Variants in GMPR observed in about 807,000 individuals in gnomAD.
GMPR encodes guanosine monophosphate reductase.
A neutral mutation model predicts 38.4 loss-of-function variants in GMPR; 31 were observed. The observed-to-expected ratio is 0.81, with a 90% confidence interval of 0.61 to 1.09. The LOEUF is 1.09. GMPR is among the 50% of genes least tolerant of loss of function. The pLI is 0.00. For synonymous variants in GMPR, 162 were observed against 173.3 expected (o/e 0.93, Z 0.51); for missense variants, 468 against 453.7 (o/e 1.03, Z -0.29).
At position 16,273,335 on chromosome 6, in the gene GMPR, T is replaced by C. The variant is rs183763383; in HGVS notation, c.466-1080T>C. 9.2e-4 allele frequency among the ~76,000 whole-genome samples: 140 copies of C among 152,366 alleles called. 3 individuals are homozygous for C. Among genetic ancestry groups the C allele is most frequent in the Admixed American group, 7.9e-3 (121 of 15,302 alleles). ...TTTTGCAAAATATGACTTTGCACAG[T>C]TGTGAAAACTCAGCCAGGGCATCTT... On this transcript the variant is annotated intron_variant, in intron 4 of 8. Transcript: ENST00000259727.
chr6:16,256,351 TAAAAAA>T (rs200060049), intron 4 of GMPR, among the ~76,000 whole-genome samples: 44,664 of 120,690 alleles, frequency 0.37, 7,486 homozygotes, highest in East Asian at 0.62. Flanking sequence ...CTGCATCTAC[TAAAAAA>T]AAAAAAAAAA....
intron 4 of GMPR, among the ~76,000 whole-genome samples, chr6:16,255,531 TAGG>T (rs1311941753): frequency 6.6e-6 from 1 of 152,196 alleles, no homozygotes; most frequent in African/African-American, 2.4e-5. Context: ...GTGTTTTATC[TAGG>T]AGCTTTGTTT....
rs546450494 is a variant in GMPR, at chr6:16,289,848, A to ATTTTTTTTTTTTTTTTTTTTT, written c.698-597_698-577dup. 2.4e-4 allele frequency: 15 copies of ATTTTTTTTTTTTTTTTTTTTT among 63,188 alleles called. 3 individuals carry two copies. The highest frequency in any genetic ancestry group is 3.5e-4 in the African/African-American group (5 of 14,178). 3.9% of individuals were successfully genotyped at this position (63,188 alleles called of 1,614,324 possible). A position where few individuals can be genotyped will look rare whatever the true frequency, so the allele number is the denominator to read the frequency against. On this transcript the variant is annotated intron_variant, in intron 7 of 8. Transcript: ENST00000259727. The stretch of plus-strand genomic sequence containing the variant: ...AACTTGCTTTCTAAGATACTGCCCA[A>ATTTTTTTTTTTTTTTTTTTTT]TTTTTTTTTTTTTTTTTTTTTTTTT...
chr6:16,268,257 T>G (rs1484788045), intron 4 of GMPR, among the ~76,000 whole-genome samples: 1 of 152,180 alleles, frequency 6.6e-6, no homozygotes, highest in East Asian at 1.9e-4. Flanking sequence ...TATTTTTCCA[T>G]GGGCAGGTAG....
chr6:16,240,593 G>A (rs1174221701), intron 1 of GMPR, among the ~76,000 whole-genome samples: 1 of 152,216 alleles, frequency 6.6e-6, no homozygotes, highest in Non-Finnish European at 1.5e-5. Flanking sequence ...CTATGATGGT[G>A]CCACTGCACT....
chr6:16,280,581 GT>G (rs1192543889), intron 6 of GMPR, among the ~76,000 whole-genome samples: 1 of 152,198 alleles, frequency 6.6e-6, no homozygotes, highest in Non-Finnish European at 1.5e-5. Context: ...TTGCTAAGAG[GT>G]TATTCAACTC....
At chr6:16,292,172 T>G (rs1383701853) in intron 8 of GMPR, among the ~76,000 whole-genome samples, 2 of 152,112 alleles carry the variant, frequency 1.3e-5, no homozygotes, top group Non-Finnish European at 2.9e-5. Flanking sequence ...CTGACACCCT[T>G]TATTTCCTAC....
chr6:16,273,009 C>G (rs1759412028), intron 4 of GMPR, among the ~76,000 whole-genome samples: 1 of 152,062 alleles, frequency 6.6e-6, no homozygotes, highest in African/African-American at 2.4e-5. Context: ...TGTTTTTTCA[C>G]TTTTATGCTT....
At chr6:16,286,349 A>G (rs578030530) in intron 7 of GMPR, among the ~76,000 whole-genome samples, 2 of 151,928 alleles carry the variant, frequency 1.3e-5, no homozygotes, top group African/African-American at 4.8e-5. Context: ...TCTGGAAAGC[A>G]CTAGACGCTC....
intron 4 of GMPR, among the ~76,000 whole-genome samples, chr6:16,266,646 C>CA (rs568746936): frequency 1.6e-4 from 24 of 150,562 alleles, no homozygotes; most frequent in Non-Finnish European, 2.1e-4. Flanking sequence ...ACTAAAAGTA[C>CA]AAAAAAAAGA....
chr6:16,288,299 G>C (rs1759736300), intron 7 of GMPR, among the ~76,000 whole-genome samples: 1 of 152,264 alleles, frequency 6.6e-6, no homozygotes, highest in Non-Finnish European at 1.5e-5. Context: ...GCGCTTGCGG[G>C]CCAGCTGGAG....
Position 16,295,028 on chromosome 6 carries a change from G to A in GMPR, c.880G>A (p.Glu294Lys). The stretch of plus-strand genomic sequence containing the variant: ...CAGAGCCTCTGAGGGTAAGACTGTG[G>A]AAGTTCCTTACAAAGGAGATGTGGA... ...EYRASEGKTVEVPYKGDVENT... is the reference protein window; with the variant it reads ...EYRASEGKTVKVPYKGDVENT... Residue 294 changes from glutamate (E) to lysine (K), a missense_variant, in exon 9 of 9, where the codon GAA becomes AAA. Physicochemically the swap from Glu to Lys is moderately conservative, Grantham distance 56. Coordinates refer to ENST00000259727, the MANE Select transcript of GMPR (RefSeq NM_006877.4). The A allele has an allele frequency of 6.2e-7, 1 of 1,609,414 alleles. No individual in the cohort carries two copies. Among genetic ancestry groups the A allele is most frequent in the Non-Finnish European group, 8.5e-7 (1 of 1,178,012 alleles).
intron 6 of GMPR, among the ~76,000 whole-genome samples, chr6:16,280,039 G>C (rs1186464461): frequency 6.6e-6 from 1 of 152,186 alleles, no homozygotes; most frequent in African/African-American, 2.4e-5. Context: ...AGGTGCTTGG[G>C]GGGCACTGGA....
chr6:16,242,222 T>C (rs1370835594), intron 1 of GMPR, among the ~76,000 whole-genome samples: 1 of 152,172 alleles, frequency 6.6e-6, no homozygotes, highest in Non-Finnish European at 1.5e-5. Context: ...AGAAGAGTTC[T>C]GGTCTAGCTT....
chr6:16,263,707 G>C (rs1427302119), intron 4 of GMPR, among the ~76,000 whole-genome samples: 2 of 144,198 alleles, frequency 1.4e-5, no homozygotes, highest in Non-Finnish European at 3.0e-5. Flanking sequence ...GCAGAGATAA[G>C]AGGTCAGGGC....
intron 4 of GMPR, chr6:16,262,850 AGG>A (rs1759113390): frequency 6.6e-6 from 1 of 152,070 alleles, no homozygotes; most frequent in African/African-American, 2.4e-5. Context: ...ATAAAGAAAA[AGG>A]AGCATTAACC....
chr6:16,269,337 G>C (rs954068041), intron 4 of GMPR, among the ~76,000 whole-genome samples: 1 of 152,198 alleles, frequency 6.6e-6, no homozygotes, highest in African/African-American at 2.4e-5. Flanking sequence ...TTCGACCCCA[G>C]ATCTTTCCGA....
At chr6:16,289,909 G>A (rs184312241) in intron 7 of GMPR, 1 of 116,316 alleles carries the variant, frequency 8.6e-6, no homozygotes, top group Admixed American at 1.2e-4. Context: ...TCCCTCTGTT[G>A]CCCAGGTTGG....
At chr6:16,272,171 C>T (rs762522603) in intron 4 of GMPR, among the ~76,000 whole-genome samples, 2 of 152,140 alleles carry the variant, frequency 1.3e-5, no homozygotes, top group Non-Finnish European at 2.9e-5. Context: ...CATGCCACTG[C>T]ACTCCAGTCT....
Sources: gnomAD v4.1 joint callset for allele counts (sites outside exome capture counted in the v4.1 genomes callset) on GRCh38, gnomAD v4.1.1 for gene constraint, MANE v1.5 for transcripts, NCBI Gene and HGNC (gene_info 2026-07-23, HGNC 2026-07-21) for gene names.